Variants in SLC25A13 observed in about 807,000 individuals in gnomAD.
The protein encoded by SLC25A13 is electrogenic aspartate/glutamate antiporter SLC25A13, mitochondrial.
A neutral mutation model predicts 85.5 loss-of-function variants in SLC25A13; 70 were observed. That is an observed-to-expected ratio of 0.82 (90% confidence interval 0.68 to 1.00). The LOEUF is 1.00. Among genes scored for constraint, SLC25A13 ranks in the 50% least tolerant of loss-of-function variants. The pLI, the probability that SLC25A13 is intolerant of heterozygous loss-of-function variation, is 0.00. For synonymous variants in SLC25A13, 259 were observed against 288.7 expected, an observed-to-expected ratio of 0.90 and a Z score of 1.04; for missense variants, 765 against 819.8, an observed-to-expected ratio of 0.93 and a Z score of 0.82.
chr7:96,236,170 G>C (rs753406139), intron 3 of SLC25A13, among the ~76,000 whole-genome samples: 1 of 152,134 alleles, frequency 6.6e-6, no homozygotes, highest in Non-Finnish European at 1.5e-5. Context: ...GAAAAACGCA[G>C]TGTGTTCAAT....
At chr7:96,121,778 T>G in intron 16 of SLC25A13, 33 bp from the exon 17 acceptor site, 1 of 1,613,474 alleles carries the variant, frequency 6.2e-7, no homozygotes, top group East Asian at 2.2e-5. Flanking sequence ...CAGATATAAT[T>G]AGATATTTTA....
At chr7:96,137,369 G>C (rs1220861280) in intron 14 of SLC25A13, among the ~76,000 whole-genome samples, 1 of 152,158 alleles carries the variant, frequency 6.6e-6, no homozygotes, top group African/African-American at 2.4e-5. Flanking sequence ...GGGACTTTAG[G>C]GATATGGGTT....
intron 2 of SLC25A13, among the ~76,000 whole-genome samples, chr7:96,294,593 A>G (rs1465053134): frequency 6.8e-6 from 1 of 146,186 alleles, no homozygotes; most frequent in African/African-American, 2.5e-5. Context: ...TGGGAGACAC[A>G]GTGAGACTCT....
At chr7:96,317,486 T>G (rs1018872075) in intron 1 of SLC25A13, among the ~76,000 whole-genome samples, 1 of 151,960 alleles carries the variant, frequency 6.6e-6, no homozygotes, top group Non-Finnish European at 1.5e-5. Flanking sequence ...CTGCTTTTAG[T>G]TTTTATTACC....
chr7:96,120,976 T>C lies in SLC25A13; in HGVS notation c.*215A>G. 1.5e-6 allele frequency: 1 copy of C among 685,018 alleles called. No homozygotes were observed. Among genetic ancestry groups the C allele is most frequent in the East Asian group, 2.9e-5 (1 of 34,120 alleles). The allele number at this position is 685,018 out of a possible 1,614,324, so 42.4% of individuals were successfully genotyped here. A position where few individuals can be genotyped will look rare whatever the true frequency, so the allele number is the denominator to read the frequency against. On this transcript the variant is annotated 3_prime_UTR_variant, in exon 18 of 18. Coordinates refer to ENST00000265631, the MANE Select transcript of SLC25A13 (RefSeq NM_014251.3). The stretch of plus-strand genomic sequence containing the variant: ...ATTTTCAGATGCAAACAAAGGTTTC[T>C]GGGCAGAGGGCCAAATAATAATTAT...
At position 96,160,406 on chromosome 7, in the gene SLC25A13, G is replaced by C. The variant is rs537664732; in HGVS notation, c.1311+9639C>G. On this transcript the variant is annotated intron_variant, in intron 13 of 17. Transcript: ENST00000265631. ...TATCCTTAACTGTCTTAGTCTGTTC[G>C]GGCTTCTGTAACAAAGTATCATAGA... is the stretch of plus-strand genomic sequence containing the variant. 1.9e-4 allele frequency among the ~76,000 whole-genome samples: 29 copies of C among 152,290 alleles called. 1 individual carries two copies. Among genetic ancestry groups the C allele is most frequent in the African/African-American group, 6.5e-4 (27 of 41,566 alleles).
At chr7:96,187,692 C>T (rs2116642049) in intron 9 of SLC25A13, among the ~76,000 whole-genome samples, 1 of 152,244 alleles carries the variant, frequency 6.6e-6, no homozygotes, top group South Asian at 2.1e-4. Flanking sequence ...TTTTATTTAA[C>T]TTTTCCAAAG....
At chr7:96,172,450 T>G (rs1246617226) in intron 11 of SLC25A13, among the ~76,000 whole-genome samples, 2 of 151,620 alleles carry the variant, frequency 1.3e-5, no homozygotes, top group Non-Finnish European at 2.9e-5. Flanking sequence ...CCCAGCTAGT[T>G]GGGAGGCCAA....
intron 3 of SLC25A13, among the ~76,000 whole-genome samples, chr7:96,249,029 G>A (rs974253078): frequency 1.3e-5 from 2 of 152,128 alleles, no homozygotes; most frequent in Non-Finnish European, 2.9e-5. Flanking sequence ...TCTAAAGCTG[G>A]GCACAATTGC....
chr7:96,143,916 C>T (rs1437191944), intron 14 of SLC25A13, among the ~76,000 whole-genome samples: 1 of 152,156 alleles, frequency 6.6e-6, no homozygotes, highest in Non-Finnish European at 1.5e-5. Context: ...CCTGTCTCAA[C>T]TAAATCTAGG....
chr7:96,130,402 G>A (rs1791970539), intron 15 of SLC25A13, among the ~76,000 whole-genome samples: 1 of 152,198 alleles, frequency 6.6e-6, no homozygotes, highest in African/African-American at 2.4e-5. Context: ...ACTATGCCAA[G>A]TCTTTCACAT....
At chr7:96,294,333 G>A (rs1166871647) in intron 2 of SLC25A13, among the ~76,000 whole-genome samples, 1 of 152,090 alleles carries the variant, frequency 6.6e-6, no homozygotes, top group Non-Finnish European at 1.5e-5. Flanking sequence ...TAATGTAAAT[G>A]ACAAGTTAAT....
At chr7:96,250,188 A>G (rs957864224) in intron 3 of SLC25A13, among the ~76,000 whole-genome samples, 1 of 152,202 alleles carries the variant, frequency 6.6e-6, no homozygotes, top group Non-Finnish European at 1.5e-5. Context: ...CTCTGTCTCA[A>G]AAAAAGAAAA....
At chr7:96,297,459 G>A (rs1799389474) in intron 1 of SLC25A13, among the ~76,000 whole-genome samples, 2 of 151,746 alleles carry the variant, frequency 1.3e-5, no homozygotes, top group Admixed American at 1.3e-4. Context: ...TCAGCCTCCT[G>A]AGTAGCTGGG....
At chr7:96,241,230 A>C (rs1038520010) in intron 3 of SLC25A13, among the ~76,000 whole-genome samples, 2 of 152,072 alleles carry the variant, frequency 1.3e-5, no homozygotes, top group Non-Finnish European at 2.9e-5. Context: ...GCCCCACAAG[A>C]AGCAGTTAGA....
intron 4 of SLC25A13, among the ~76,000 whole-genome samples, chr7:96,215,724 A>G (rs944274902): frequency 3.9e-5 from 6 of 152,208 alleles, no homozygotes; most frequent in African/African-American, 1.4e-4. Context: ...AAATTTTAGA[A>G]AAAAATATAG....
chr7:96,262,478 G>A (rs1304825916), intron 3 of SLC25A13, among the ~76,000 whole-genome samples: 1 of 151,278 alleles, frequency 6.6e-6, no homozygotes, highest in Non-Finnish European at 1.5e-5. Flanking sequence ...TTCAATATAA[G>A]AACAGTAAAA....
intron 1 of SLC25A13, among the ~76,000 whole-genome samples, chr7:96,307,550 G>C (rs890149381): frequency 1.3e-5 from 2 of 150,858 alleles, no homozygotes; most frequent in Admixed American, 1.3e-4. Flanking sequence ...GCAACATCCT[G>C]TCTCCAAAAA....
In SLC25A13 at chr7:96,121,904, A is replaced by ACTC; in HGVS notation, c.1682_1684dup (p.Gly561dup). 1 of 1,613,948 alleles carries ACTC rather than the reference A, an allele frequency of 6.2e-7. No homozygotes were observed. The highest frequency in any genetic ancestry group is 8.5e-7 in the Non-Finnish European group (1 of 1,179,988). On this transcript the variant is annotated inframe_insertion, in exon 16 of 18. Transcript: ENST00000265631. ...CAGTATCTTTCTAAAGCAGTCTATCACTCCGCTGTAAGTGGTTTGGCCAGC... is the reference window on the plus strand; with the variant it reads ...CAGTATCTTTCTAAAGCAGTCTATCACTCCTCCGCTGTAAGTGGTTTGGCCAGC...
Sources: gnomAD v4.1 joint callset for allele counts (sites outside exome capture counted in the v4.1 genomes callset) on GRCh38, gnomAD v4.1.1 for gene constraint, MANE v1.5 for transcripts, NCBI Gene and HGNC (gene_info 2026-07-23, HGNC 2026-07-21) for gene names.